NAP1L1: variants seen among roughly 807,000 people sequenced by gnomAD.
NAP1L1 encodes nucleosome assembly protein 1 like 1.
A neutral mutation model predicts 58.9 loss-of-function variants in NAP1L1; 9 were observed. The ratio of observed to expected loss-of-function variants is 0.15; its 90% CI spans 0.09 to 0.27. The LOEUF (loss-of-function observed/expected upper bound fraction) is 0.27, where lower values mean the gene tolerates loss of function less well. Among genes scored for constraint, NAP1L1 ranks in the 10% least tolerant of loss-of-function variants. The pLI is 1.00. For synonymous variants in NAP1L1, 130 were observed against 138.3 expected (o/e 0.94, Z 0.42); for missense variants, 302 against 458.8 (o/e 0.66, Z 3.12).
chr12:76,055,381 T>G (rs927052988), intron 7 of NAP1L1, among the ~76,000 whole-genome samples: 4 of 152,236 alleles, frequency 2.6e-5, no homozygotes, highest in African/African-American at 9.6e-5. Context: ...TTAAAATGTT[T>G]CCTGATTGTA....
chr12:76,055,412 C>T (rs1949034904), intron 7 of NAP1L1, among the ~76,000 whole-genome samples: 1 of 152,198 alleles, frequency 6.6e-6, no homozygotes, highest in Admixed American at 6.5e-5. Context: ...TTTCCAGCTG[C>T]TTGTCCCCTT....
intron 4 of NAP1L1, among the ~76,000 whole-genome samples, chr12:76,066,739 T>C (rs1202054733): frequency 6.6e-6 from 1 of 152,146 alleles, no homozygotes; most frequent in Non-Finnish European, 1.5e-5. Context: ...GCTAGAAGTT[T>C]AATACTTAAA....
chr12:76,078,990 T>TACACACACAC (rs1410110613), intron 1 of NAP1L1, among the ~76,000 whole-genome samples: 3 of 147,936 alleles, frequency 2.0e-5, no homozygotes, highest in African/African-American at 7.9e-5. Context: ...TCCATATATA[T>TACACACACAC]ATATACACAC....
chr12:76,074,013 A>G (rs1317651944), intron 2 of NAP1L1, 190 bp downstream of exon 2: 6 of 507,082 alleles, frequency 1.2e-5, no homozygotes, highest in Middle Eastern at 1.0e-3. Flanking sequence ...CGAATATATG[A>G]TCATAAATAT....
intron 4 of NAP1L1, among the ~76,000 whole-genome samples, chr12:76,063,238 A>G (rs1456129880): frequency 6.6e-6 from 1 of 152,192 alleles, no homozygotes; most frequent in Non-Finnish European, 1.5e-5. Flanking sequence ...GGCCAGAGAA[A>G]GCACATTTAT....
chr12:76,060,075 G>T (rs1949337265), intron 5 of NAP1L1, 63 bp downstream of exon 5: 1 of 1,530,470 alleles, frequency 6.5e-7, no homozygotes, highest in Non-Finnish European at 9.0e-7. Flanking sequence ...TTCCAAGTCT[G>T]CTTATGTTTC....
At chr12:76,063,881 T>TTA (rs1949532555) in intron 4 of NAP1L1, among the ~76,000 whole-genome samples, 3 of 137,498 alleles carry the variant, frequency 2.2e-5, no homozygotes, top group South Asian at 2.4e-4. Flanking sequence ...GTTAAAAGTT[T>TTA]AAAAAAAAAA....
At chr12:76,082,994 T>C (rs1209836190) in intron 1 of NAP1L1, among the ~76,000 whole-genome samples, 2 of 152,188 alleles carry the variant, frequency 1.3e-5, no homozygotes, top group African/African-American at 2.4e-5. Context: ...TCTTCAAATG[T>C]AGCAGTGAGA....
chr12:76,063,939 C>T (rs1021398391), intron 4 of NAP1L1, among the ~76,000 whole-genome samples: 3 of 148,144 alleles, frequency 2.0e-5, no homozygotes, highest in African/African-American at 2.5e-5. Flanking sequence ...GTATTCCCAG[C>T]GCTTTGGAAG....
intron 2 of NAP1L1, among the ~76,000 whole-genome samples, chr12:76,071,083 T>C (rs1404194907): frequency 6.6e-6 from 1 of 152,200 alleles, no homozygotes; most frequent in South Asian, 2.1e-4. Flanking sequence ...TATTTTATTG[T>C]TTTTTACCCT....
At chr12:76,075,758 C>T (rs1055682303) in intron 1 of NAP1L1, among the ~76,000 whole-genome samples, 1 of 152,202 alleles carries the variant, frequency 6.6e-6, no homozygotes, top group African/African-American at 2.4e-5. Flanking sequence ...TCATCAATAA[C>T]TTCTTTTTAA....
rs1362173041 is a variant in NAP1L1, at chr12:76,043,307, T to C, written c.*5122A>G. 6.6e-6 allele frequency: 1 copy of C among 152,096 alleles called. No homozygotes were observed. Among genetic ancestry groups the C allele is most frequent in the Non-Finnish European group, 1.5e-5 (1 of 68,038 alleles). 9.4% of individuals were successfully genotyped at this position (152,096 alleles called of 1,614,324 possible). A position where few individuals can be genotyped will look rare whatever the true frequency, so the allele number is the denominator to read the frequency against. On this transcript the variant is annotated 3_prime_UTR_variant, in exon 15 of 15. Transcript: ENST00000618691. ...ACTTTGGGAGACCAAGATGGGTGGA[T>C]TACCTGAGTCCAGGAGTTCGAAACC...
chr12:76,080,241 G>T (rs1950349346), intron 1 of NAP1L1, among the ~76,000 whole-genome samples: 1 of 152,144 alleles, frequency 6.6e-6, no homozygotes. Flanking sequence ...CATGTTTGTG[G>T]TGATGCTGGT....
At chr12:76,082,264 A>G (rs1228778560) in intron 1 of NAP1L1, among the ~76,000 whole-genome samples, 5 of 152,208 alleles carry the variant, frequency 3.3e-5, no homozygotes, top group Non-Finnish European at 5.9e-5. Flanking sequence ...ATATATTTTG[A>G]GAATTTAGAA....
rs533511434 is a variant in NAP1L1 at position 76,043,341 on chromosome 12, C to G, written c.*5088G>C. The G allele has an allele frequency of 6.6e-6, 1 of 152,158 alleles. No homozygotes were observed. Among genetic ancestry groups the G allele is most frequent in the African/African-American group, 2.4e-5 (1 of 41,506 alleles). 9.4% of individuals were successfully genotyped at this position (152,158 alleles called of 1,614,324 possible). A position where few individuals can be genotyped will look rare whatever the true frequency, so the allele number is the denominator to read the frequency against. ...TCCAGGAGTTCGAAACCAGCCTGGCCAACATGGTGAAACACCTCTCAACAA... is the reference window on the plus strand; with the variant it reads ...TCCAGGAGTTCGAAACCAGCCTGGCGAACATGGTGAAACACCTCTCAACAA... On this transcript the variant is annotated 3_prime_UTR_variant, in exon 15 of 15. Transcript: ENST00000618691.
rs141668765 is a variant in NAP1L1, at chr12:76,081,685, A to T, written c.-21+2882T>A. Among the ~76,000 whole-genome samples the T allele has an allele frequency of 4.7e-3, 721 of 152,364 alleles. 9 individuals are homozygous for T. Among genetic ancestry groups the T allele is most frequent in the East Asian group, 0.039 (204 of 5,192 alleles). On this transcript the variant is annotated intron_variant, in intron 1 of 14. Coordinates refer to ENST00000618691, the MANE Select transcript of NAP1L1 (RefSeq NM_004537.7). ...AGTAAAAGGCAGAGTTGGTAACCAA[A>T]GGTATAGAAGCCATTTTCTATGGCA... is the stretch of plus-strand genomic sequence containing the variant.
At position 76,082,762 on chromosome 12, in the gene NAP1L1, G is replaced by A. The variant is rs147669407; in HGVS notation, c.-21+1805C>T. 9.0e-4 allele frequency among the ~76,000 whole-genome samples: 137 copies of A among 152,208 alleles called. 1 individual carries two copies. Among genetic ancestry groups the A allele is most frequent in the African/African-American group, 3.2e-3 (132 of 41,524 alleles). ...ATTTACTTCCCTTCGATTTTTAAAT[G>A]GTACCCTATACATAAAAGGTTTTTC... On this transcript the variant is annotated intron_variant, in intron 1 of 14. Transcript: ENST00000618691.
Position 76,045,763 on chromosome 12 carries a change from G to C in NAP1L1, c.*2666C>G, listed in dbSNP as rs1028029317. 3.3e-5 allele frequency: 5 copies of C among 151,950 alleles called. No individual in the cohort carries two copies. Among genetic ancestry groups the C allele is most frequent in the African/African-American group, 1.2e-4 (5 of 41,406 alleles). The allele number at this position is 151,950 out of a possible 1,614,324, so 9.4% of individuals were successfully genotyped here. A position where few individuals can be genotyped will look rare whatever the true frequency, so the allele number is the denominator to read the frequency against. On this transcript the variant is annotated 3_prime_UTR_variant, in exon 15 of 15. Coordinates refer to ENST00000618691, the MANE Select transcript of NAP1L1 (RefSeq NM_004537.7). ...AATTTGTGGAACACTTACCCTACTT[G>C]AGTGACCATAAAGCAAACAACTCTA...
Position 76,041,409 on chromosome 12 carries a change from G to GTAAAA in NAP1L1, c.*7015_*7019dup. On this transcript the variant is annotated 3_prime_UTR_variant, in exon 15 of 15. Coordinates refer to ENST00000618691, the MANE Select transcript of NAP1L1 (RefSeq NM_004537.7). ...GAAAAGGAGATCCTATGTTGAACTAGTAAAACACATGCACAAAAGCCCAGT... is the reference window on the plus strand; with the variant it reads ...GAAAAGGAGATCCTATGTTGAACTAGTAAAATAAAACACATGCACAAAAGCCCAGT... The GTAAAA allele has an allele frequency of 6.6e-6, 1 of 152,328 alleles. No individual in the cohort carries two copies. Among genetic ancestry groups the GTAAAA allele is most frequent in the Middle Eastern group, 3.4e-3 (1 of 296 alleles). The allele number at this position is 152,328 out of a possible 1,614,324, so 9.4% of individuals were successfully genotyped here. A position where few individuals can be genotyped will look rare whatever the true frequency, so the allele number is the denominator to read the frequency against.
Sources: allele counts gnomAD v4.1 joint callset (sites outside exome capture counted in the v4.1 genomes callset), GRCh38; gene constraint gnomAD v4.1.1; transcripts MANE v1.5; gene names NCBI Gene and HGNC (gene_info 2026-07-23, HGNC 2026-07-21).